CENPC: variants seen among roughly 807,000 people sequenced by gnomAD.
The protein encoded by CENPC is CENP-C 1.
CENPC carries 63 observed loss-of-function variants against 112.1 expected under a neutral mutation model. That is an observed-to-expected ratio of 0.56 (90% CI 0.46 to 0.69). CENPC has a LOEUF of 0.69. Among genes scored for constraint, CENPC ranks in the 30% least tolerant of loss-of-function variants. The pLI is 0.00. For synonymous variants in CENPC, 333 were observed against 367.6 expected (o/e 0.91, Z 1.08); for missense variants, 1,000 against 1,103.8 (o/e 0.91, Z 1.33).
Position 67,492,962 on chromosome 4 carries a change from T to A in CENPC, c.2326A>T (p.Thr776Ser). Residue 776 changes from threonine (T) to serine (S), a missense_variant, in exon 15 of 19, where the codon ACA becomes TCA. By Grantham distance (58) the Thr-to-Ser change is moderately conservative. Transcript: ENST00000273853. ...FVISGVLSPDTISSKRKAKEN... is the reference protein window; with the variant it reads ...FVISGVLSPDSISSKRKAKEN... ...TTTGCCTTCCTTTTAGACGATATTG[T>A]GTCTGGAGATAGTACTCCACTAATC... The A allele has an allele frequency of 6.5e-7, 1 of 1,548,992 alleles. No homozygotes were observed. Among genetic ancestry groups the A allele is most frequent in the Admixed American group, 2.0e-5 (1 of 48,946 alleles).
chr4:67,541,077 A>G, intron 2 of CENPC, 27 bp from the exon 3 acceptor site: 1 of 1,486,080 alleles, frequency 6.7e-7, no homozygotes, highest in Non-Finnish European at 9.3e-7. Flanking sequence ...ACAGCCTGTC[A>G]TTTTCAGAAG....
At chr4:67,515,431 A>G (rs1012033902) in intron 7 of CENPC, among the ~76,000 whole-genome samples, 1 of 151,476 alleles carries the variant, frequency 6.6e-6, no homozygotes, top group Non-Finnish European at 1.5e-5. Context: ...GCACCACTGC[A>G]CTCCAGCCTG....
At position 67,504,478 on chromosome 4, in the gene CENPC, T is replaced by C. The variant is rs192888749; in HGVS notation, c.2131+727A>G. Among the ~76,000 whole-genome samples, 121 of 152,016 alleles carry C rather than the reference T, an allele frequency of 8.0e-4. 1 individual carries two copies. Among genetic ancestry groups the C allele is most frequent in the Admixed American group, 1.4e-3 (21 of 15,256 alleles). On this transcript the variant is annotated intron_variant, in intron 12 of 18. Coordinates refer to ENST00000273853, the MANE Select transcript of CENPC (RefSeq NM_001812.4). Reference sequence around the variant, plus strand: ...ACGCATTTTTAGGAGCATGAAAAAATTATAAAATTCTCTATTAAGAGGCAT... The same window carrying C: ...ACGCATTTTTAGGAGCATGAAAAAACTATAAAATTCTCTATTAAGAGGCAT...
In CENPC at chr4:67,537,063, C is replaced by T. The variant is rs192580148; in HGVS notation, c.231+2777G>A. Among the ~76,000 whole-genome samples, 360 of 147,342 alleles carry T rather than the reference C, an allele frequency of 2.4e-3. 2 individuals are homozygous for T. The highest frequency in any genetic ancestry group is 8.4e-3 in the African/African-American group (339 of 40,284). ...AAAAAAAAGATAAGGCATAAATAACCAATGTCAGGAATAAAAAAGGGGATA... is the reference window on the plus strand; with the variant it reads ...AAAAAAAAGATAAGGCATAAATAACTAATGTCAGGAATAAAAAAGGGGATA... On this transcript the variant is annotated intron_variant, in intron 4 of 18. Coordinates refer to ENST00000273853, the MANE Select transcript of CENPC (RefSeq NM_001812.4).
At chr4:67,484,103 C>T (rs1725024371) in intron 17 of CENPC, among the ~76,000 whole-genome samples, 1 of 152,176 alleles carries the variant, frequency 6.6e-6, no homozygotes, top group Non-Finnish European at 1.5e-5. Flanking sequence ...AAGCTCCATT[C>T]ATGGTAAGTG....
intron 1 of CENPC, 96 bp from the exon 2 acceptor site, chr4:67,544,291 C>T (rs17625547): frequency 0.25 from 173,674 of 681,404 alleles, 23,319 homozygotes; most frequent in Non-Finnish European, 0.29. Flanking sequence ...GCATGCTATA[C>T]ACCAAACATC....
chr4:67,502,687 T>C (rs1725623799), intron 12 of CENPC, among the ~76,000 whole-genome samples: 2 of 152,166 alleles, frequency 1.3e-5, no homozygotes, highest in African/African-American at 2.4e-5. Flanking sequence ...ACATCAAGCT[T>C]AGTATGTCCA....
At chr4:67,502,897 C>T (rs1725630882) in intron 12 of CENPC, among the ~76,000 whole-genome samples, 1 of 152,164 alleles carries the variant, frequency 6.6e-6, no homozygotes, top group Admixed American at 6.5e-5. Flanking sequence ...TAAAAATCCT[C>T]CTCCTGCTTT....
rs1167745961 is a variant in CENPC at position 67,530,919 on chromosome 4, G to C, written c.232-5C>G. 2.0e-6 allele frequency: 3 copies of C among 1,489,768 alleles called. No homozygotes were observed. The highest frequency in any genetic ancestry group is 2.8e-6 in the Non-Finnish European group (3 of 1,081,008). 92.3% of individuals were successfully genotyped at this position (1,489,768 alleles called of 1,614,324 possible). On this transcript the variant is annotated splice_polypyrimidine_tract_variant and splice_region_variant and intron_variant, in intron 4 of 18. Coordinates refer to ENST00000273853, the MANE Select transcript of CENPC (RefSeq NM_001812.4). ...CTTTGGATGTGATTTCTGGCACTGAGCACAGAAGAAATACAACATTAGAAC... is the reference window on the plus strand; with the variant it reads ...CTTTGGATGTGATTTCTGGCACTGACCACAGAAGAAATACAACATTAGAAC...
chr4:67,496,877 C>A lies in CENPC; in HGVS notation c.2132-1665G>T, dbSNP rs1378330232. Reference sequence around the variant, plus strand: ...AGTCTAGCTTAATAAATCTGTGTACCCCCCACCCCACCCCCACCCCCACCC... The same window carrying A: ...AGTCTAGCTTAATAAATCTGTGTACACCCCACCCCACCCCCACCCCCACCC... On this transcript the variant is annotated intron_variant, in intron 12 of 18. Coordinates refer to ENST00000273853, the MANE Select transcript of CENPC (RefSeq NM_001812.4). Among the ~76,000 whole-genome samples, 3 of 144,332 alleles carry A rather than the reference C, an allele frequency of 2.1e-5. No homozygotes were observed. In the East Asian group the frequency reaches 6.3e-4, roughly 30 times the overall value. 94.7% of individuals were successfully genotyped at this position (144,332 alleles called of 152,430 possible).
chr4:67,520,243 T>C (rs1726184303), intron 5 of CENPC, among the ~76,000 whole-genome samples: 1 of 152,174 alleles, frequency 6.6e-6, no homozygotes, highest in Non-Finnish European at 1.5e-5. Flanking sequence ...AACAAAGCCC[T>C]GGGCTGTGCT....
At position 67,509,112 on chromosome 4, in the gene CENPC, G is replaced by A. The variant is rs746611602; in HGVS notation, c.1613-7C>T. ...GAATTGCTATAAACAGGACCTGAAG[G>A]ATTCAATGATAACCTAAAGTTAGTA... On this transcript the variant is annotated splice_polypyrimidine_tract_variant and splice_region_variant and intron_variant, in intron 9 of 18. Coordinates refer to ENST00000273853, the MANE Select transcript of CENPC (RefSeq NM_001812.4). The A allele has an allele frequency of 1.9e-6, 3 of 1,591,444 alleles. No individual in the cohort carries two copies. The highest frequency in any genetic ancestry group is 4.5e-5 in the East Asian group (2 of 44,556).
intron 4 of CENPC, among the ~76,000 whole-genome samples, chr4:67,537,757 C>T (rs541219838): frequency 2.0e-5 from 3 of 152,272 alleles, no homozygotes; most frequent in African/African-American, 7.2e-5. Flanking sequence ...AGCACCACTA[C>T]ACTCCAGCAT....
intron 5 of CENPC, among the ~76,000 whole-genome samples, chr4:67,520,904 C>T (rs548933981): frequency 1.3e-5 from 2 of 151,996 alleles, no homozygotes; most frequent in East Asian, 1.9e-4. Flanking sequence ...CCCAGCTACT[C>T]GGGAGGCTGA....
intron 8 of CENPC, among the ~76,000 whole-genome samples, chr4:67,513,628 G>A (rs1401330816): frequency 6.6e-6 from 1 of 151,998 alleles, no homozygotes; most frequent in Non-Finnish European, 1.5e-5. Flanking sequence ...AGAAATAATG[G>A]GTTAGTAATT....
intron 2 of CENPC, 46 bp downstream of exon 2, chr4:67,544,103 A>C: frequency 1.0e-6 from 1 of 970,988 alleles, no homozygotes; most frequent in South Asian, 1.4e-5. Context: ...AAATCTATTA[A>C]CGATGAGAAT....
At chr4:67,522,041 T>C (rs1178510500) in intron 5 of CENPC, among the ~76,000 whole-genome samples, 1 of 152,234 alleles carries the variant, frequency 6.6e-6, no homozygotes, top group Non-Finnish European at 1.5e-5. Flanking sequence ...ATGTACTTAA[T>C]GCTACTGAAC....
chr4:67,531,466 G>T (rs1374727383), intron 4 of CENPC, among the ~76,000 whole-genome samples: 1 of 152,202 alleles, frequency 6.6e-6, no homozygotes, highest in Non-Finnish European at 1.5e-5. Flanking sequence ...TTAACTTTTA[G>T]AATGTTCCCT....
At chr4:67,491,320 C>T (rs1317971439) in intron 16 of CENPC, among the ~76,000 whole-genome samples, 1 of 150,660 alleles carries the variant, frequency 6.6e-6, no homozygotes, top group African/African-American at 2.4e-5. Context: ...ACTACAAGCA[C>T]CCACCACCAC....
Sources: allele counts gnomAD v4.1 joint callset (sites outside exome capture counted in the v4.1 genomes callset), GRCh38; gene constraint gnomAD v4.1.1; transcripts MANE v1.5; gene names NCBI Gene and HGNC (gene_info 2026-07-23, HGNC 2026-07-21).